Variants in CDIP1 observed in about 807,000 individuals in gnomAD.
CDIP1 encodes the protein cell death inducing p53 target 1.
Under a neutral mutation model 17.7 loss-of-function variants are expected in CDIP1, and 9 were observed. That is an observed-to-expected ratio of 0.51 (90% CI 0.31 to 0.89). The LOEUF is 0.89. CDIP1 is among the 40% of genes least tolerant of loss of function. CDIP1 has a pLI of 0.05. For missense variants in CDIP1, 263 were observed against 277.9 expected (o/e 0.95, Z 0.38); for synonymous variants, 117 against 109.5 (o/e 1.07, Z -0.43).
In CDIP1 at chr16:4,513,807, G is replaced by A; in HGVS notation, c.130C>T (p.Leu44=). 6.3e-7 allele frequency: 1 copy of A among 1,598,320 alleles called. No homozygotes were observed. Among genetic ancestry groups the A allele is most frequent in the African/African-American group, 1.3e-5 (1 of 74,758 alleles). The change falls in exon 4 of 6, where the codon CTG becomes TTG. Residue 44 remains leucine (L), a synonymous_variant. Transcript: ENST00000567695. This position sits in a 1 kb window ranked among gnomAD's most constrained non-coding sequence, Gnocchi z 4.1. ...GGGGGGCCAATGTCCGCAGGGGGCA[G>A]TGGCATGCCTGGAGGGGGCTGCATC... is the stretch of plus-strand genomic sequence containing the variant. ...AVMQPPPGMP[L]PPADIGPPPY... is the part of the protein sequence containing the mutation.
intron 1 of CDIP1, among the ~76,000 whole-genome samples, chr16:4,529,950 CT>C (rs1273971516): frequency 6.6e-6 from 1 of 152,230 alleles, no homozygotes; most frequent in East Asian, 1.9e-4. Context: ...CTGAGTCCCC[CT>C]ATTCCGTGGG....
chr16:4,532,815 G>C (rs1356941891), intron 1 of CDIP1: 1 of 152,222 alleles, frequency 6.6e-6, no homozygotes, highest in Admixed American at 6.5e-5. Context: ...CAGAACCTGA[G>C]CTTGACCATG....
chr16:4,518,796 A>G (rs969508469), intron 1 of CDIP1, among the ~76,000 whole-genome samples: 1 of 152,254 alleles, frequency 6.6e-6, no homozygotes. Context: ...GAAGCAAAAT[A>G]GTTTTCCAAT....
At position 4,512,315 on chromosome 16, in the gene CDIP1, C is replaced by T. The variant is rs978019407; in HGVS notation, c.*257G>A. 2.8e-5 allele frequency: 16 copies of T among 567,054 alleles called. No homozygotes were observed. The highest frequency in any genetic ancestry group is 2.8e-4 in the African/African-American group (15 of 53,228). The allele number at this position is 567,054 out of a possible 1,614,324, so 35.1% of individuals were successfully genotyped here. A position where few individuals can be genotyped will look rare whatever the true frequency, so the allele number is the denominator to read the frequency against. ...CTCCCAGCTTATCTTCCCGATCACA[C>T]ACACCAAGCAGACCAACAACACACA... On this transcript the variant is annotated 3_prime_UTR_variant, in exon 6 of 6. Coordinates refer to ENST00000567695, the MANE Select transcript of CDIP1 (RefSeq NM_013399.3). The surrounding 1 kb of genome is among the most constrained non-coding windows in gnomAD (Gnocchi z 4.6).
At chr16:4,523,027 A>G (rs779773354) in intron 1 of CDIP1, among the ~76,000 whole-genome samples, 24 of 152,162 alleles carry the variant, frequency 1.6e-4, no homozygotes, top group Admixed American at 4.6e-4. Flanking sequence ...TAGGAGGGGG[A>G]CTGTTACTTG....
At position 4,516,044 on chromosome 16, in the gene CDIP1, T is replaced by C. The variant is rs574634071; in HGVS notation, c.-104-1380A>G. 1.2e-4 allele frequency among the ~76,000 whole-genome samples: 18 copies of C among 152,096 alleles called. 1 individual carries two copies. In the South Asian group the frequency reaches 3.7e-3, roughly 32 times the overall value. ...ACAACCCAAATGTCCATCAACAAAG[T>C]GGATAAACAAAACCGTAGGCTGCCC... On this transcript the variant is annotated intron_variant, in intron 1 of 5. Coordinates refer to ENST00000567695, the MANE Select transcript of CDIP1 (RefSeq NM_013399.3).
intron 1 of CDIP1, among the ~76,000 whole-genome samples, chr16:4,534,961 GC>G (rs1478359485): frequency 6.6e-6 from 1 of 151,818 alleles, no homozygotes. Context: ...CAGGTGATCC[GC>G]CCCCGTTGGC....
intron 1 of CDIP1, among the ~76,000 whole-genome samples, chr16:4,521,981 G>C (rs2058954685): frequency 6.6e-6 from 1 of 152,212 alleles, no homozygotes; most frequent in Non-Finnish European, 1.5e-5. Flanking sequence ...CCAACAGGGA[G>C]GAAAACAACA....
intron 1 of CDIP1, among the ~76,000 whole-genome samples, chr16:4,528,512 C>T (rs1242635592): frequency 6.6e-6 from 1 of 151,976 alleles, no homozygotes; most frequent in Admixed American, 6.6e-5. Flanking sequence ...TTACATGACT[C>T]CTTCCTCAAA....
intron 1 of CDIP1, among the ~76,000 whole-genome samples, chr16:4,534,388 TG>T (rs1286631508): frequency 6.6e-6 from 1 of 152,234 alleles, no homozygotes; most frequent in Non-Finnish European, 1.5e-5. Flanking sequence ...CACCATTTCT[TG>T]AATTCCAGTC....
At chr16:4,538,174 C>G (rs947350153) in intron 1 of CDIP1, among the ~76,000 whole-genome samples, 2 of 152,154 alleles carry the variant, frequency 1.3e-5, no homozygotes, top group African/African-American at 2.4e-5. Flanking sequence ...CCATTCCGGG[C>G]GCACAACCCC....
intron 1 of CDIP1, among the ~76,000 whole-genome samples, chr16:4,535,633 G>A (rs76352080): frequency 8.5e-4 from 129 of 152,352 alleles, no homozygotes; most frequent in African/African-American, 3.0e-3. Context: ...AGGTCTCCAC[G>A]TCTAGGCAGC....
chr16:4,518,430 AG>A (rs1357477704), intron 1 of CDIP1, among the ~76,000 whole-genome samples: 1 of 152,174 alleles, frequency 6.6e-6, no homozygotes. Context: ...CTTCCCCTCC[AG>A]CTCGATGGCC....
intron 1 of CDIP1, among the ~76,000 whole-genome samples, chr16:4,521,271 GTTA>G (rs2058944882): frequency 6.6e-6 from 1 of 151,826 alleles, no homozygotes; most frequent in Non-Finnish European, 1.5e-5. Context: ...TCATGGCCGT[GTTA>G]TTATTAAAAC....
At position 4,513,857 on chromosome 16, in the gene CDIP1, CAG is replaced by C. The variant is rs1211608962; in HGVS notation, c.86-8_86-7del. ...CACAGCTGGGGAGGAACGGCCTGGACAGAGAGAGGCAGAAAGAGGAGACTGAG... is the reference window on the plus strand; with the variant it reads ...CACAGCTGGGGAGGAACGGCCTGGACAGAGAGGCAGAAAGAGGAGACTGAG... On this transcript the variant is annotated splice_region_variant and splice_polypyrimidine_tract_variant and intron_variant, in intron 3 of 5. Transcript: ENST00000567695. The surrounding 1 kb of genome is among the most constrained non-coding windows in gnomAD (Gnocchi z 4.1). 2.5e-5 allele frequency: 39 copies of C among 1,554,076 alleles called. No homozygotes were observed. The highest frequency in any genetic ancestry group is 1.7e-4 in the Middle Eastern group (1 of 5,728).
chr16:4,525,576 C>T (rs2058991471), intron 1 of CDIP1, among the ~76,000 whole-genome samples: 1 of 152,228 alleles, frequency 6.6e-6, no homozygotes, highest in Admixed American at 6.5e-5. Context: ...CCTATCCAAA[C>T]CTGGGGCTAA....
intron 1 of CDIP1, among the ~76,000 whole-genome samples, chr16:4,519,164 C>T (rs1469746007): frequency 2.0e-5 from 3 of 152,186 alleles, no homozygotes; most frequent in African/African-American, 7.2e-5. Context: ...TCTACCCCTC[C>T]ACACCCTCTG....
At position 4,513,781 on chromosome 16, in the gene CDIP1, T is replaced by TG. The variant is rs1567412466; in HGVS notation, c.155dup (p.Pro53ThrfsTer3). 1.2e-6 allele frequency: 2 copies of TG among 1,607,278 alleles called. No homozygotes were observed. The highest frequency in any genetic ancestry group is 1.7e-6 in the Non-Finnish European group (2 of 1,175,668). On this transcript the variant is annotated frameshift_variant, in exon 4 of 6. Coordinates refer to ENST00000567695, the MANE Select transcript of CDIP1 (RefSeq NM_013399.3). LOFTEE classifies it high-confidence loss of function. The surrounding 1 kb of genome is among the most constrained non-coding windows in gnomAD (Gnocchi z 4.1). ...TTGGGTGACCCGGCGGCTCATAGGGTGGGGGGCCAATGTCCGCAGGGGGCA... is the reference window on the plus strand; with the variant it reads ...TTGGGTGACCCGGCGGCTCATAGGGTGGGGGGGCCAATGTCCGCAGGGGGCA...
At chr16:4,525,278 T>C (rs529467137) in intron 1 of CDIP1, among the ~76,000 whole-genome samples, 19 of 152,290 alleles carry the variant, frequency 1.2e-4, no homozygotes, top group African/African-American at 3.4e-4. Context: ...GAGCAGATGC[T>C]TCCGTAGTTA....
Sources: allele counts gnomAD v4.1 joint callset (sites outside exome capture counted in the v4.1 genomes callset), GRCh38; gene constraint gnomAD v4.1.1; non-coding constraint Gnocchi (gnomAD v3.1); transcripts MANE v1.5; gene names NCBI Gene and HGNC (gene_info 2026-07-23, HGNC 2026-07-21).